The following KCTD16 variants were observed in gnomAD, a reference collection of about 807,000 sequenced individuals.
KCTD16 encodes BTB/POZ domain-containing protein KCTD16.
KCTD16 carries 13 observed loss-of-function variants against 33.2 expected under a neutral mutation model. The observed-to-expected ratio is 0.39, with a 90% CI of 0.25 to 0.62. The LOEUF is 0.62. Ranked by LOEUF, KCTD16 falls within the 20% of genes least tolerant of loss-of-function variation. KCTD16 has a pLI of 0.50. For synonymous variants in KCTD16, 197 were observed against 195.3 expected, an observed-to-expected ratio of 1.01 and a Z score of -0.07; for missense variants, 441 against 525.1, an observed-to-expected ratio of 0.84 and a Z score of 1.57.
intron 3 of KCTD16, among the ~76,000 whole-genome samples, chr5:144,298,471 G>T (rs1485874787): frequency 6.6e-6 from 1 of 152,224 alleles, no homozygotes; most frequent in Non-Finnish European, 1.5e-5. Flanking sequence ...GTTAAGGGAT[G>T]CTGGTGGCTA....
intron 3 of KCTD16, among the ~76,000 whole-genome samples, chr5:144,378,227 G>A (rs547799386): frequency 3.9e-5 from 6 of 152,216 alleles, no homozygotes; most frequent in African/African-American, 1.4e-4. Context: ...ATTTAGAATT[G>A]CAGGAAAAAT....
chr5:144,470,039 C>T (rs569228443), intron 3 of KCTD16, among the ~76,000 whole-genome samples: 3 of 151,918 alleles, frequency 2.0e-5, no homozygotes, highest in Middle Eastern at 3.4e-3. Flanking sequence ...CAATTGTAAC[C>T]TATTTTCTCC....
At chr5:144,417,253 C>T (rs1339940151) in intron 3 of KCTD16, among the ~76,000 whole-genome samples, 4 of 152,126 alleles carry the variant, frequency 2.6e-5, no homozygotes, top group Non-Finnish European at 5.9e-5. Context: ...GTTCTAATTT[C>T]TTTACCTCTT....
intron 3 of KCTD16, among the ~76,000 whole-genome samples, chr5:144,214,029 T>C (rs2126796808): frequency 6.6e-6 from 1 of 152,310 alleles, no homozygotes; most frequent in African/African-American, 2.4e-5. Flanking sequence ...TGAGTATCTT[T>C]GTATTTTTTC....
chr5:144,388,705 C>T (rs1466646711), intron 3 of KCTD16, among the ~76,000 whole-genome samples: 1 of 152,036 alleles, frequency 6.6e-6, no homozygotes, highest in Non-Finnish European at 1.5e-5. Flanking sequence ...ATGATTAAGC[C>T]CTGTTACTCT....
chr5:144,432,863 CAACAT>C (rs754937382), intron 3 of KCTD16, among the ~76,000 whole-genome samples: 8 of 152,046 alleles, frequency 5.3e-5, no homozygotes, highest in Non-Finnish European at 8.8e-5. Context: ...TACACACACA[CAACAT>C]ATTTTAAATC....
At chr5:144,372,534 C>A (rs1192191138) in intron 3 of KCTD16, among the ~76,000 whole-genome samples, 1 of 152,082 alleles carries the variant, frequency 6.6e-6, no homozygotes, top group Non-Finnish European at 1.5e-5. Context: ...ACAGCTATAC[C>A]ATGATATGTT....
chr5:144,176,025 T>C (rs1472523731), intron 2 of KCTD16, among the ~76,000 whole-genome samples: 1 of 152,238 alleles, frequency 6.6e-6, no homozygotes, highest in African/African-American at 2.4e-5. Context: ...TATTAAAATA[T>C]GCTTTTTTAT....
chr5:144,185,892 A>G (rs2126776699), intron 2 of KCTD16, among the ~76,000 whole-genome samples: 1 of 152,290 alleles, frequency 6.6e-6, no homozygotes, highest in South Asian at 2.1e-4. Flanking sequence ...ATTAATCCTC[A>G]CAAGAACTCT....
intron 2 of KCTD16, among the ~76,000 whole-genome samples, chr5:144,185,398 CAGCT>C (rs1752705153): frequency 6.6e-6 from 1 of 152,292 alleles, no homozygotes; most frequent in South Asian, 2.1e-4. Context: ...GTCTAGGGTA[CAGCT>C]AGCTTCAGAT....
chr5:144,276,509 G>T (rs979439518), intron 3 of KCTD16, among the ~76,000 whole-genome samples: 1 of 152,170 alleles, frequency 6.6e-6, no homozygotes, highest in African/African-American at 2.4e-5. Flanking sequence ...AAAGGAATTT[G>T]TTTATTTCTC....
intron 3 of KCTD16, among the ~76,000 whole-genome samples, chr5:144,472,165 T>C (rs924185167): frequency 2.0e-5 from 3 of 152,214 alleles, no homozygotes; most frequent in Admixed American, 2.0e-4. Flanking sequence ...CCTTTAAAAC[T>C]GTATAAAGGT....
Position 144,207,360 on chromosome 5 carries a change from G to A in KCTD16, c.646G>A (p.Asp216Asn). 6.2e-7 allele frequency: 1 copy of A among 1,614,146 alleles called. No individual in the cohort carries two copies. Among genetic ancestry groups the A allele is most frequent in the South Asian group, 1.1e-5 (1 of 91,084 alleles). Reference sequence around the variant, plus strand: ...AACTTTGAATGAAAGCAGAGACCCTGATCGAGCCCCAGAAAGATACACCTC... The same window carrying A: ...AACTTTGAATGAAAGCAGAGACCCTAATCGAGCCCCAGAAAGATACACCTC... Reference protein sequence around the residue: ...GETLNESRDPDRAPERYTSRF... With the variant: ...GETLNESRDPNRAPERYTSRF... The change falls in exon 3 of 4, where the codon GAT becomes AAT. Residue 216 changes from aspartate to asparagine, a missense_variant. Asp to Asn is a conservative substitution (Grantham distance 23). This residue lies in a region of KCTD16 where 355 missense variants were observed against 413.0 expected (regional missense o/e 0.86). Coordinates refer to ENST00000512467, the MANE Select transcript of KCTD16 (RefSeq NM_020768.4).
intron 2 of KCTD16, among the ~76,000 whole-genome samples, chr5:144,185,029 C>T (rs1580773029): frequency 2.0e-5 from 3 of 152,266 alleles, no homozygotes; most frequent in Admixed American, 2.0e-4. Flanking sequence ...AGGCACTGTT[C>T]TAAATATCTT....
In KCTD16 at chr5:144,426,845, G is replaced by C. The variant is rs113691090; in HGVS notation, c.833-46815G>C. The stretch of plus-strand genomic sequence containing the variant: ...CCCTTGATAATGCCATTAATCCATT[G>C]ATAAGGGTGGATTCCTCATACTTAA... On this transcript the variant is annotated intron_variant, in intron 3 of 3. Coordinates refer to ENST00000512467, the MANE Select transcript of KCTD16 (RefSeq NM_020768.4). Among the ~76,000 whole-genome samples, 722 of 152,168 alleles carry C rather than the reference G, an allele frequency of 4.7e-3. 7 individuals carry two copies. Among genetic ancestry groups the C allele is most frequent in the African/African-American group, 0.015 (634 of 41,522 alleles).
At chr5:144,326,920 C>T (rs1277724662) in intron 3 of KCTD16, among the ~76,000 whole-genome samples, 1 of 152,114 alleles carries the variant, frequency 6.6e-6, no homozygotes, top group Non-Finnish European at 1.5e-5. Context: ...CAGCCTTCAA[C>T]ATATTTGAAG....
chr5:144,397,021 C>A (rs1447079591), intron 3 of KCTD16, among the ~76,000 whole-genome samples: 4 of 150,362 alleles, frequency 2.7e-5, no homozygotes, highest in Non-Finnish European at 5.9e-5. Flanking sequence ...TGTGCTGCAC[C>A]CATTAACTCG....
intron 3 of KCTD16, among the ~76,000 whole-genome samples, chr5:144,389,372 A>C (rs1561589721): frequency 6.6e-6 from 1 of 152,086 alleles, no homozygotes; most frequent in Non-Finnish European, 1.5e-5. Context: ...CTGTCAGATC[A>C]GCAGCAACAT....
chr5:144,398,708 ACTCTCTCT>A (rs367796082), intron 3 of KCTD16, among the ~76,000 whole-genome samples: 5 of 145,530 alleles, frequency 3.4e-5, no homozygotes, highest in Admixed American at 6.9e-5. Context: ...ACACACACAC[ACTCTCTCT>A]CTCTCTCTCT....
Sources: gnomAD v4.1 joint callset for allele counts (sites outside exome capture counted in the v4.1 genomes callset) on GRCh38, gnomAD v4.1.1 for gene constraint, gnomAD v4.1.1 regional missense constraint, MANE v1.5 for transcripts, NCBI Gene and HGNC (gene_info 2026-07-23, HGNC 2026-07-21) for gene names.